The following DST variants were observed in gnomAD, a reference collection of about 807,000 sequenced individuals.
DST encodes the protein dystonin.
A neutral mutation model predicts 875.2 loss-of-function variants in DST; 253 were observed. The observed-to-expected ratio is 0.29, with a 90% CI of 0.26 to 0.32. DST has a LOEUF of 0.32. Among genes scored for constraint, DST ranks in the 10% least tolerant of loss-of-function variants. The pLI, the probability that DST is intolerant of heterozygous loss-of-function variation, is 1.00. For missense variants in DST, 8,287 were observed against 9,111.6 expected (o/e 0.91, Z 3.68); for synonymous variants, 3,124 against 3,197.1 (o/e 0.98, Z 0.77).
chr6:56,573,826 G>A lies in DST; in HGVS notation c.13089C>T (p.Leu4363=). 6.2e-7 allele frequency: 1 copy of A among 1,613,476 alleles called. No homozygotes were observed. Among genetic ancestry groups the A allele is most frequent in the Non-Finnish European group, 8.5e-7 (1 of 1,179,662 alleles). ...SKSVNERNEK[L]QITLTRSLSV... The stretch of plus-strand genomic sequence containing the variant: ...TCAGTGAACGGGTCAAGGTTATCTG[G>A]AGTTTTTCATTTCGTTCATTAACAG... The change falls in exon 51 of 104, where the codon CTC becomes CTT. Residue 4363 remains leucine, a synonymous_variant. Transcript: ENST00000680361.
intron 71 of DST, among the ~76,000 whole-genome samples, chr6:56,515,875 A>G (rs1451914965): frequency 6.6e-6 from 1 of 152,150 alleles, no homozygotes; most frequent in Admixed American, 6.6e-5. Context: ...GTTTTTATGA[A>G]TAAGACACTG....
At chr6:56,943,163 TC>T (rs1334510334) in intron 2 of DST, among the ~76,000 whole-genome samples, 1 of 152,188 alleles carries the variant, frequency 6.6e-6, no homozygotes, top group Non-Finnish European at 1.5e-5. Flanking sequence ...CTCAAATCTT[TC>T]CTTTTAAGCT....
intron 9 of DST, among the ~76,000 whole-genome samples, chr6:56,684,088 C>G (rs1425952064): frequency 6.6e-6 from 1 of 152,202 alleles, no homozygotes; most frequent in East Asian, 1.9e-4. Flanking sequence ...TCAGCTGAAT[C>G]TGTAAACATG....
chr6:56,608,446 A>G lies in DST; in HGVS notation c.6182T>C (p.Leu2061Pro). ...CDLITSSSAL[L>P]VLEAQRGYVG... is the part of the protein sequence containing the mutation. ...ATAGCCTCGCTGAGCTTCCAGGACC[A>G]GAAGAGCACTGCTGGAAGTTATTAA... Residue 2061 changes from leucine (L) to proline (P), a missense_variant, in exon 40 of 104, where the codon CTG becomes CCG. By Grantham distance (98) the Leu-to-Pro change is moderately conservative (BLOSUM62 -3). Around this residue, in one of 10 missense-constraint regions of DST, gnomAD observed 3,138 missense variants for 3,116.6 expected, o/e 1.01. Transcript: ENST00000680361. 6.2e-7 allele frequency: 1 copy of G among 1,613,768 alleles called. No homozygotes were observed. The highest frequency in any genetic ancestry group is 8.5e-7 in the Non-Finnish European group (1 of 1,179,774).
chr6:56,624,398 T>C, intron 36 of DST, 132 bp downstream of exon 36: 1 of 714,560 alleles, frequency 1.4e-6, no homozygotes, highest in Non-Finnish European at 2.5e-6. Context: ...TATAATTCAA[T>C]ATTTATTTGT....
At chr6:56,726,389 G>T (rs925609137) in intron 5 of DST, among the ~76,000 whole-genome samples, 1 of 152,184 alleles carries the variant, frequency 6.6e-6, no homozygotes, top group Non-Finnish European at 1.5e-5. Context: ...CTATGGAAAA[G>T]AATATCTTAG....
intron 9 of DST, among the ~76,000 whole-genome samples, chr6:56,682,032 A>G (rs1454813833): frequency 6.6e-6 from 1 of 152,236 alleles, no homozygotes; most frequent in Non-Finnish European, 1.5e-5. Flanking sequence ...AAAAATAACC[A>G]AAACCTAGTG....
intron 49 of DST, among the ~76,000 whole-genome samples, chr6:56,586,236 T>C (rs1286551809): frequency 2.0e-5 from 3 of 151,322 alleles, no homozygotes; most frequent in Admixed American, 1.3e-4. Context: ...AGTCTAAGTC[T>C]CTTTGTAGGT....
In DST at chr6:56,573,820, T is replaced by C. The variant is rs1320544497; in HGVS notation, c.13095A>G (p.Ile4365Met). 1 of 1,613,440 alleles carries C rather than the reference T, an allele frequency of 6.2e-7. No individual in the cohort carries two copies. Among genetic ancestry groups the C allele is most frequent in the Non-Finnish European group, 8.5e-7 (1 of 1,179,688 alleles). Reference sequence around the variant, plus strand: ...GCACACTCAGTGAACGGGTCAAGGTTATCTGGAGTTTTTCATTTCGTTCAT... The same window carrying C: ...GCACACTCAGTGAACGGGTCAAGGTCATCTGGAGTTTTTCATTTCGTTCAT... ...SVNERNEKLQITLTRSLSVQD... is the reference protein window; with the variant it reads ...SVNERNEKLQMTLTRSLSVQD... The change falls in exon 51 of 104, where the codon ATA becomes ATG. Residue 4365 changes from isoleucine (I) to methionine (M), a missense_variant. Transcript: ENST00000680361.
intron 36 of DST, chr6:56,620,800 C>A (rs2098684008): frequency 7.8e-7 from 1 of 1,289,300 alleles, no homozygotes; most frequent in Non-Finnish European, 1.1e-6. Flanking sequence ...AAAGTACTTA[C>A]AAAACCAAGT....
At position 56,640,323 on chromosome 6, in the gene DST, G is replaced by C; in HGVS notation, c.2310C>G (p.Phe770Leu). The change falls in exon 18 of 104, where the codon TTC becomes TTG. Residue 770 changes from phenylalanine to leucine, a missense_variant. Physicochemically the swap from Phe to Leu is conservative, Grantham distance 22. Transcript: ENST00000680361. Reference sequence around the variant, plus strand: ...TGAAATTTGGAACTAATCCTGATGGGAAACCAGGTGTATAAGCTGGAGTGA... The same window carrying C: ...TGAAATTTGGAACTAATCCTGATGGCAAACCAGGTGTATAAGCTGGAGTGA... The part of the protein sequence containing the change: ...PSVTPAYTPG[F>L]PSGLVPNFSS... The C allele has an allele frequency of 6.2e-7, 1 of 1,614,174 alleles. No individual in the cohort carries two copies. Among genetic ancestry groups the C allele is most frequent in the East Asian group, 2.2e-5 (1 of 44,876 alleles).
At chr6:56,871,314 C>T (rs1481787950) in intron 3 of DST, 7 of 870,534 alleles carry the variant, frequency 8.0e-6, no homozygotes, top group African/African-American at 3.3e-5. Flanking sequence ...TATGCATATA[C>T]GAAAAGCCAC....
In DST at chr6:56,527,480, A is replaced by C; in HGVS notation, c.17922+13T>G. ...ATAAAAGACTAATCCAAAATGCAGA[A>C]ATCAGAGCTTACCTTTGGTCTCATT... On this transcript the variant is annotated intron_variant, in intron 68 of 103. Coordinates refer to ENST00000680361, the MANE Select transcript of DST (RefSeq NM_001374736.1). The C allele has an allele frequency of 6.2e-7, 1 of 1,611,112 alleles. No homozygotes were observed. The highest frequency in any genetic ancestry group is 8.5e-7 in the Non-Finnish European group (1 of 1,178,136).
chr6:56,871,484 A>T, intron 3 of DST: 1 of 1,581,480 alleles, frequency 6.3e-7, no homozygotes, highest in Admixed American at 1.7e-5. Context: ...TTAAAAATGC[A>T]GAGAGTGATG....
intron 50 of DST, 137 bp from the exon 51 acceptor site, chr6:56,574,024 G>T: frequency 1.7e-6 from 1 of 595,214 alleles, no homozygotes; most frequent in Non-Finnish European, 2.8e-6. Flanking sequence ...AATTCCTAAT[G>T]CATAATCAGA....
At chr6:56,475,434 C>CAA (rs929791903) in intron 92 of DST, among the ~76,000 whole-genome samples, 1 of 144,620 alleles carries the variant, frequency 6.9e-6, no homozygotes, top group Non-Finnish European at 1.5e-5. Flanking sequence ...CACACACACA[C>CAA]AAAATAATGG....
At chr6:56,773,690 T>C (rs1297201675) in intron 4 of DST, among the ~76,000 whole-genome samples, 1 of 152,180 alleles carries the variant, frequency 6.6e-6, no homozygotes, top group Non-Finnish European at 1.5e-5. Flanking sequence ...CTAAACTCTC[T>C]ATTTTTATGA....
chr6:56,690,451 A>AC (rs2152857508), intron 9 of DST, among the ~76,000 whole-genome samples: 1 of 152,252 alleles, frequency 6.6e-6, no homozygotes, highest in East Asian at 1.9e-4. Context: ...CAGGAAGACC[A>AC]CTCTAGGTCA....
intron 10 of DST, among the ~76,000 whole-genome samples, chr6:56,658,879 T>C (rs1041014668): frequency 6.6e-6 from 1 of 151,942 alleles, no homozygotes; most frequent in African/African-American, 2.4e-5. Flanking sequence ...CATAGGTCTG[T>C]GGTTGAAGGG....
Sources: gnomAD v4.1 joint callset for allele counts (sites outside exome capture counted in the v4.1 genomes callset) on GRCh38, gnomAD v4.1.1 for gene constraint, gnomAD v4.1.1 regional missense constraint, MANE v1.5 for transcripts, NCBI Gene and HGNC (gene_info 2026-07-23, HGNC 2026-07-21) for gene names.